Variants in PELI1 observed in about 807,000 individuals in gnomAD.
PELI1 encodes E3 ubiquitin-protein ligase pellino homolog 1.
In PELI1, 15 loss-of-function variants were observed where a neutral mutation model predicts 41.3. The observed-to-expected ratio is 0.36, with a 90% CI of 0.24 to 0.56. PELI1 has a LOEUF of 0.56. Ranked by LOEUF, PELI1 falls within the 20% of genes least tolerant of loss-of-function variation. The probability of loss-of-function intolerance (pLI) is 0.82; values close to 1 mark genes in which losing one functional copy is unlikely to be tolerated. For missense variants in PELI1, 403 were observed against 525.5 expected (o/e 0.77, Z 2.28); for synonymous variants, 178 against 180.1 (o/e 0.99, Z 0.09).
intron 2 of PELI1, 128 bp downstream of exon 2, chr2:64,108,112 C>T: frequency 3.3e-6 from 2 of 614,624 alleles, no homozygotes. Flanking sequence ...GTAACATTAC[C>T]TGTAGCTTTA....
At chr2:64,104,605 A>C in intron 3 of PELI1, 96 bp downstream of exon 3, 1 of 1,382,164 alleles carries the variant, frequency 7.2e-7, no homozygotes, top group Non-Finnish European at 9.4e-7. Flanking sequence ...TTTCTGAAAT[A>C]GAAATGTAAG....
chr2:64,129,198 T>C (rs1681477497), intron 1 of PELI1, among the ~76,000 whole-genome samples: 1 of 152,198 alleles, frequency 6.6e-6, no homozygotes, highest in Non-Finnish European at 1.5e-5. Flanking sequence ...TCAAATTCAC[T>C]GTATTACTTT....
intron 1 of PELI1, 104 bp from the exon 2 acceptor site, chr2:64,108,483 T>A (rs1219967799): frequency 1.8e-6 from 1 of 567,452 alleles, no homozygotes; most frequent in Admixed American, 3.1e-5. Flanking sequence ...ATGCAAACCA[T>A]CACAAGGTAT....
At chr2:64,111,883 T>G (rs1461815972) in intron 1 of PELI1, among the ~76,000 whole-genome samples, 1 of 152,180 alleles carries the variant, frequency 6.6e-6, no homozygotes, top group Non-Finnish European at 1.5e-5. Context: ...GCTGTGCTTT[T>G]TCTGTTTAGA....
intron 1 of PELI1, among the ~76,000 whole-genome samples, chr2:64,139,479 G>C (rs1233500259): frequency 6.6e-6 from 1 of 152,004 alleles, no homozygotes; most frequent in African/African-American, 2.4e-5. Context: ...CTTCTTTGTA[G>C]AGACAAGGTC....
intron 3 of PELI1, among the ~76,000 whole-genome samples, chr2:64,102,010 A>T (rs558443663): frequency 6.6e-6 from 1 of 151,968 alleles, no homozygotes; most frequent in African/African-American, 2.4e-5. Flanking sequence ...TATTTTTAGT[A>T]GAGACGGGGT....
At chr2:64,128,460 T>A (rs892421245) in intron 1 of PELI1, among the ~76,000 whole-genome samples, 32 of 152,270 alleles carry the variant, frequency 2.1e-4, no homozygotes, top group African/African-American at 7.5e-4. Flanking sequence ...ACTTCTTAAA[T>A]ATACTATATA....
rs1431732292 is a variant in PELI1 at position 64,100,453 on chromosome 2, C to T, written c.248G>A (p.Arg83Gln). ...DQHSISYTLS[R>Q]AQTVVVEYTH... ...ATATTCAACCACCACAGTCTGGGCC[C>T]GAGATAAAGTATATGATATGCTATG... The change falls in exon 4 of 7, where the codon CGG becomes CAG. Residue 83 changes from arginine to glutamine, a missense_variant. Physicochemically the swap from Arg to Gln is conservative, Grantham distance 43. Coordinates refer to ENST00000358912, the MANE Select transcript of PELI1 (RefSeq NM_020651.4). 2.5e-6 allele frequency: 4 copies of T among 1,589,200 alleles called. No individual in the cohort carries two copies. Among genetic ancestry groups the T allele is most frequent in the South Asian group, 1.1e-5 (1 of 90,412 alleles).
Position 64,108,264 on chromosome 2 carries a change from T to A in PELI1, c.47A>T (p.Lys16Ile). ...CCCTAAGACAATGAGTTCACCATAT[T>A]TTACTGGTGCTTTAGATGGATGATT... ...QENHPSKAPV[K>I]YGELIVLGYN... The change falls in exon 2 of 7, where the codon AAA becomes ATA. Residue 16 changes from lysine to isoleucine, a missense_variant. Physicochemically the swap from Lys to Ile is moderately radical, Grantham distance 102 (BLOSUM62 -3). Transcript: ENST00000358912. 1 of 1,597,316 alleles carries A rather than the reference T, an allele frequency of 6.3e-7. No individual in the cohort carries two copies. Among genetic ancestry groups the A allele is most frequent in the Non-Finnish European group, 8.6e-7 (1 of 1,164,756 alleles).
At chr2:64,140,815 A>AAAAAAC (rs1558490206) in intron 1 of PELI1, among the ~76,000 whole-genome samples, 1 of 149,240 alleles carries the variant, frequency 6.7e-6, no homozygotes, top group Non-Finnish European at 1.5e-5. Context: ...AAACAAAAAA[A>AAAAAAC]AACCTAGGGG....
At chr2:64,101,308 A>G (rs1231799221) in intron 3 of PELI1, among the ~76,000 whole-genome samples, 1 of 151,656 alleles carries the variant, frequency 6.6e-6, no homozygotes, top group East Asian at 1.9e-4. Context: ...ATTTGGTCCC[A>G]GGAGATAAAA....
intron 1 of PELI1, among the ~76,000 whole-genome samples, chr2:64,129,147 A>C (rs1400611129): frequency 6.6e-6 from 1 of 152,176 alleles, no homozygotes; most frequent in Non-Finnish European, 1.5e-5. Context: ...AAGCAATCTT[A>C]TAATAAAGGT....
At chr2:64,129,950 T>A (rs982181449) in intron 1 of PELI1, among the ~76,000 whole-genome samples, 82 of 152,222 alleles carry the variant, frequency 5.4e-4, no homozygotes, top group African/African-American at 2.0e-3. Context: ...AGAGACACAA[T>A]GTAATTTTTG....
Position 64,144,228 on chromosome 2 carries a change from T to C in PELI1, c.-217A>G, listed in dbSNP as rs999895152. 7 of 152,218 alleles carry C rather than the reference T, an allele frequency of 4.6e-5. No homozygotes were observed. The highest frequency in any genetic ancestry group is 9.7e-5 in the African/African-American group (4 of 41,388). 9.4% of individuals were successfully genotyped at this position (152,218 alleles called of 1,614,324 possible). On this transcript the variant is annotated 5_prime_UTR_variant, in exon 1 of 7. Transcript: ENST00000358912. ...GCCAGCCGAGCCCAGCGAGGGGAAG[T>C]TGACCACGGAGCCGAGCGCTGAGGA... is the stretch of plus-strand genomic sequence containing the variant.
chr2:64,104,987 C>T (rs765833228), intron 2 of PELI1, among the ~76,000 whole-genome samples, 157 bp from the exon 3 acceptor site: 25 of 152,206 alleles, frequency 1.6e-4, no homozygotes, highest in Admixed American at 5.2e-4. Flanking sequence ...GATCTCCATA[C>T]CAGGTGCCAG....
At chr2:64,099,377 A>T (rs1434661242) in intron 4 of PELI1, among the ~76,000 whole-genome samples, 1 of 152,142 alleles carries the variant, frequency 6.6e-6, no homozygotes, top group African/African-American at 2.4e-5. Context: ...AGTGAAACAA[A>T]ATGTGAAAAA....
At chr2:64,141,148 A>G (rs550105025) in intron 1 of PELI1, among the ~76,000 whole-genome samples, 2 of 152,300 alleles carry the variant, frequency 1.3e-5, no homozygotes, top group South Asian at 4.1e-4. Flanking sequence ...TCCCTTATAT[A>G]TAAATGCTGC....
chr2:64,119,607 G>C (rs749152658), intron 1 of PELI1, among the ~76,000 whole-genome samples: 5 of 152,198 alleles, frequency 3.3e-5, no homozygotes, highest in African/African-American at 1.2e-4. Context: ...ACTGAAGTGA[G>C]AATTCACTTC....
chr2:64,126,592 C>T (rs763207650), intron 1 of PELI1, among the ~76,000 whole-genome samples: 1 of 152,088 alleles, frequency 6.6e-6, no homozygotes, highest in Non-Finnish European at 1.5e-5. Flanking sequence ...AAAGGTATGC[C>T]TCCCTATACC....
Sources: allele counts gnomAD v4.1 joint callset (sites outside exome capture counted in the v4.1 genomes callset), GRCh38; gene constraint gnomAD v4.1.1; transcripts MANE v1.5; gene names NCBI Gene and HGNC (gene_info 2026-07-23, HGNC 2026-07-21).